CLIP2: variants seen among roughly 807,000 people sequenced by gnomAD.
CLIP2 encodes CAP-Gly domain-containing linker protein 2.
CLIP2 carries 41 observed loss-of-function variants against 111.7 expected under a neutral mutation model. The ratio of observed to expected loss-of-function variants is 0.37; its 90% CI spans 0.29 to 0.48. The LOEUF is 0.48. Among genes scored for constraint, CLIP2 ranks in the 20% least tolerant of loss-of-function variants. The pLI is 0.99. For missense variants in CLIP2, 1,160 were observed against 1,422.1 expected (o/e 0.82, Z 2.96); for synonymous variants, 660 against 644.2 (o/e 1.02, Z -0.37).
intron 2 of CLIP2, among the ~76,000 whole-genome samples, chr7:74,333,269 C>T (rs1347609406): frequency 5.9e-5 from 9 of 151,818 alleles, no homozygotes; most frequent in African/African-American, 2.2e-4. Flanking sequence ...CTGAAACCTC[C>T]GTCTCCTGGG....
chr7:74,325,546 T>C (rs1584327157), intron 2 of CLIP2, among the ~76,000 whole-genome samples: 1 of 152,120 alleles, frequency 6.6e-6, no homozygotes, highest in Admixed American at 6.6e-5. Context: ...GCAAAGGCCC[T>C]GAGGGCCTGG....
intron 2 of CLIP2, among the ~76,000 whole-genome samples, chr7:74,319,390 C>G (rs1788882168): frequency 6.6e-6 from 1 of 151,948 alleles, no homozygotes; most frequent in South Asian, 2.1e-4. Context: ...CACCTGTAAT[C>G]CTAGCTACAT....
chr7:74,301,320 T>G (rs1554726792), intron 1 of CLIP2, among the ~76,000 whole-genome samples: 1 of 152,234 alleles, frequency 6.6e-6, no homozygotes, highest in Non-Finnish European at 1.5e-5. Flanking sequence ...TGGCATTCAT[T>G]CATTCTCATT....
At chr7:74,312,048 C>A (rs1554728600) in intron 1 of CLIP2, among the ~76,000 whole-genome samples, 2 of 152,016 alleles carry the variant, frequency 1.3e-5, no homozygotes, top group Non-Finnish European at 2.9e-5. Flanking sequence ...GAGTTCAAGA[C>A]CAGCCTGGCC....
Position 74,371,828 on chromosome 7 carries a change from A to C in CLIP2, c.1381-1104A>C, listed in dbSNP as rs139206495. Among the ~76,000 whole-genome samples the C allele has an allele frequency of 1.6e-3, 236 of 152,236 alleles. 6 individuals carry two copies. The East Asian group carries it at 0.039, about 25-fold the overall frequency. Reference sequence around the variant, plus strand: ...CCTTAAGGAAAATTCAAGAAATAAAATAGGCCAAAGGACATAATCATCTCA... The same window carrying C: ...CCTTAAGGAAAATTCAAGAAATAAACTAGGCCAAAGGACATAATCATCTCA... On this transcript the variant is annotated intron_variant, in intron 8 of 16. Transcript: ENST00000223398.
At chr7:74,359,648 C>G (rs1367610283) in intron 6 of CLIP2, among the ~76,000 whole-genome samples, 1 of 152,192 alleles carries the variant, frequency 6.6e-6, no homozygotes, top group Non-Finnish European at 1.5e-5. Flanking sequence ...AGCCACTGCA[C>G]CCGGCCCATT....
chr7:74,338,709 G>C lies in CLIP2; in HGVS notation c.383G>C (p.Arg128Pro). The change falls in exon 3 of 17, where the codon CGC becomes CCC. Residue 128 changes from arginine to proline, a missense_variant. Arg to Pro is a moderately radical substitution (Grantham distance 103). Transcript: ENST00000223398. This position sits in a 1 kb window ranked among gnomAD's most constrained non-coding sequence, Gnocchi z 4.3. ...AATGATGGCGCGGTGGGCGGCGTGC[G>C]CTACTTCGAGTGCCCGGCCCTCCAG... ...GKNDGAVGGV[R>P]YFECPALQGI... 6.3e-7 allele frequency: 1 copy of C among 1,587,752 alleles called. No individual in the cohort carries two copies. Among genetic ancestry groups the C allele is most frequent in the Non-Finnish European group, 8.5e-7 (1 of 1,171,004 alleles).
intron 10 of CLIP2, among the ~76,000 whole-genome samples, chr7:74,378,818 C>A (rs1790865218): frequency 1.3e-5 from 2 of 152,088 alleles, no homozygotes; most frequent in Non-Finnish European, 2.9e-5. Context: ...ATCCAGGGGG[C>A]TTTTTTTGTC....
At chr7:74,308,615 C>G (rs1030547757) in intron 1 of CLIP2, among the ~76,000 whole-genome samples, 1 of 151,862 alleles carries the variant, frequency 6.6e-6, no homozygotes, top group African/African-American at 2.4e-5. Context: ...AGCGATTCTC[C>G]TGCCTCCACC....
intron 3 of CLIP2, among the ~76,000 whole-genome samples, chr7:74,348,477 GA>G (rs1789866274): frequency 6.6e-6 from 1 of 151,862 alleles, no homozygotes; most frequent in Non-Finnish European, 1.5e-5. Context: ...GCAACATACT[GA>G]GACCCTGTCT....
intron 11 of CLIP2, among the ~76,000 whole-genome samples, chr7:74,385,254 C>T (rs1791054299): frequency 6.6e-6 from 1 of 151,040 alleles, no homozygotes; most frequent in African/African-American, 2.4e-5. Flanking sequence ...GAGATGGCGC[C>T]ACTGCACTCC....
chr7:74,372,909 C>T (rs1335589241), intron 8 of CLIP2, 23 bp from the exon 9 acceptor site: 5 of 1,365,996 alleles, frequency 3.7e-6, no homozygotes, highest in Admixed American at 4.0e-5. Flanking sequence ...ACCCCCCCAC[C>T]GTGTCCACCC....
chr7:74,338,710 C>G lies in CLIP2; in HGVS notation c.384C>G (p.Arg128=), dbSNP rs200921421. Residue 128 remains arginine, a synonymous_variant, in exon 3 of 17, where the codon CGC becomes CGG. Transcript: ENST00000223398. The surrounding 1 kb of genome is among the most constrained non-coding windows in gnomAD (Gnocchi z 4.3). The part of the protein sequence containing the change: ...GKNDGAVGGV[R]YFECPALQGI... Reference sequence around the variant, plus strand: ...ATGATGGCGCGGTGGGCGGCGTGCGCTACTTCGAGTGCCCGGCCCTCCAGG... The same window carrying G: ...ATGATGGCGCGGTGGGCGGCGTGCGGTACTTCGAGTGCCCGGCCCTCCAGG... The G allele has an allele frequency of 6.9e-6, 11 of 1,588,688 alleles. No homozygotes were observed. In the East Asian group the frequency reaches 1.6e-4, roughly 23 times the overall value.
intron 7 of CLIP2, among the ~76,000 whole-genome samples, chr7:74,361,666 C>T (rs1790334761): frequency 6.6e-6 from 1 of 152,282 alleles, no homozygotes; most frequent in African/African-American, 2.4e-5. Context: ...TACAGGCACA[C>T]GCCATCATGC....
At chr7:74,385,662 A>G (rs1562723939) in intron 11 of CLIP2, among the ~76,000 whole-genome samples, 1 of 148,464 alleles carries the variant, frequency 6.7e-6, no homozygotes, top group Non-Finnish European at 1.5e-5. Flanking sequence ...TAGCACTGTT[A>G]TTGTTCTCCC....
chr7:74,312,704 C>T (rs1220538132), intron 1 of CLIP2, among the ~76,000 whole-genome samples: 1 of 152,106 alleles, frequency 6.6e-6, no homozygotes, highest in Admixed American at 6.6e-5. Flanking sequence ...TCCCGGGGCA[C>T]CAGGGGCGTT....
In CLIP2 at chr7:74,338,640, C is replaced by T. The variant is rs781939267; in HGVS notation, c.314C>T (p.Pro105Leu). 19 of 1,566,078 alleles carry T rather than the reference C, an allele frequency of 1.2e-5. No individual in the cohort carries two copies. The Admixed American group carries it at 1.3e-4, about 11-fold the overall frequency. The change falls in exon 3 of 17, where the codon CCG becomes CTG. Residue 105 changes from proline to leucine, a missense_variant. By Grantham distance (98) the Pro-to-Leu change is moderately conservative. This residue lies in a region of CLIP2 where 301 missense variants were observed against 315.2 expected (regional missense o/e 0.96). Transcript: ENST00000223398. The surrounding 1 kb of genome is among the most constrained non-coding windows in gnomAD (Gnocchi z 4.3). ...TATCTGGGAGAGACGCAGTTCGCAC[C>T]GGGCCAGTGGGCTGGCGTGGTGCTG... ...VQYLGETQFA[P>L]GQWAGVVLDD...
chr7:74,388,342 C>CACAA (rs1554315197), intron 12 of CLIP2, among the ~76,000 whole-genome samples: 1 of 151,466 alleles, frequency 6.6e-6, no homozygotes, highest in African/African-American at 2.4e-5. Flanking sequence ...CACACACACA[C>CACAA]AAAAACAATT....
At chr7:74,337,507 T>TC (rs1554732346) in intron 2 of CLIP2, among the ~76,000 whole-genome samples, 15 of 151,154 alleles carry the variant, frequency 9.9e-5, no homozygotes, top group Admixed American at 5.3e-4. Flanking sequence ...GCCCACCTGG[T>TC]GGGGGGGTGG....
Sources: allele counts gnomAD v4.1 joint callset (sites outside exome capture counted in the v4.1 genomes callset), GRCh38; gene constraint gnomAD v4.1.1; regional missense constraint gnomAD v4.1.1; non-coding constraint Gnocchi (gnomAD v3.1); transcripts MANE v1.5; gene names NCBI Gene and HGNC (gene_info 2026-07-23, HGNC 2026-07-21).